The following ZNF565 variants were observed in gnomAD, a reference collection of about 807,000 sequenced individuals.
ZNF565 encodes zinc finger protein 565.
In ZNF565, 27 loss-of-function variants were observed where a neutral mutation model predicts 39.4. The observed-to-expected ratio is 0.69, with a 90% CI of 0.51 to 0.95. ZNF565 has a LOEUF of 0.95. ZNF565 is among the 40% of genes least tolerant of loss of function. The pLI is 0.00. For synonymous variants in ZNF565, 185 were observed against 216.6 expected, an observed-to-expected ratio of 0.85 and a Z score of 1.28; for missense variants, 524 against 621.1, an observed-to-expected ratio of 0.84 and a Z score of 1.66.
chr19:36,185,836 G>C (rs1403647802), intron 4 of ZNF565, among the ~76,000 whole-genome samples: 2 of 150,514 alleles, frequency 1.3e-5, no homozygotes, highest in African/African-American at 2.5e-5. Flanking sequence ...TGGGATTATA[G>C]GTGCCTGCCA....
At chr19:36,237,261 G>C in intron 1 of ZNF565, 1 of 1,613,942 alleles carries the variant, frequency 6.2e-7, no homozygotes, top group Non-Finnish European at 8.5e-7. Flanking sequence ...AGTGAATGTG[G>C]GAAAGCTTTC....
intron 1 of ZNF565, among the ~76,000 whole-genome samples, chr19:36,223,454 C>T (rs1014713914): frequency 1.3e-5 from 2 of 151,884 alleles, no homozygotes; most frequent in Non-Finnish European, 2.9e-5. Context: ...GCTCCGCCTC[C>T]CGGGTTCACG....
At chr19:36,183,809 A>C in intron 4 of ZNF565, 76 bp from the exon 5 acceptor site, 2 of 1,341,988 alleles carry the variant, frequency 1.5e-6, no homozygotes, top group Non-Finnish European at 2.0e-6. Context: ...AGTAGAGGCC[A>C]GGCACGGTGG....
At chr19:36,242,047 TA>T in intron 1 of ZNF565, among the ~76,000 whole-genome samples, 1 of 152,206 alleles carries the variant, frequency 6.6e-6, no homozygotes, top group South Asian at 2.1e-4. Flanking sequence ...TGTAAACATT[TA>T]AAACTTTGTG....
At chr19:36,224,045 C>G (rs996872642) in intron 1 of ZNF565, among the ~76,000 whole-genome samples, 4 of 152,118 alleles carry the variant, frequency 2.6e-5, no homozygotes, top group Non-Finnish European at 5.9e-5. Flanking sequence ...CCAGCTTTAC[C>G]TTTTTCCAAT....
chr19:36,219,329 T>A (rs1976743327), upstream of ZNF565, among the ~76,000 whole-genome samples: 2 of 152,064 alleles, frequency 1.3e-5, no homozygotes, highest in African/African-American at 4.8e-5. Context: ...GACCTGCTAA[T>A]TTTTAAACCT....
rs774573064 is a variant in ZNF565, at chr19:36,237,254, G to C, written c.55+8222C>G. 5.6e-6 allele frequency: 9 copies of C among 1,613,930 alleles called. No individual in the cohort carries two copies. In the Admixed American group the frequency reaches 1.3e-4, roughly 24 times the overall value. On this transcript the variant is annotated intron_variant, in intron 1 of 4. Coordinates refer to the ZNF565 transcript ENST00000355114. ...AGGTAAGAAGCCTTATCAGTGCAGTGAATGTGGGAAAGCTTTCAGCCAGAA... is the reference window on the plus strand; with the variant it reads ...AGGTAAGAAGCCTTATCAGTGCAGTCAATGTGGGAAAGCTTTCAGCCAGAA...
At chr19:36,195,464 A>C (rs2145326599) in intron 2 of ZNF565, among the ~76,000 whole-genome samples, 1 of 151,884 alleles carries the variant, frequency 6.6e-6, no homozygotes, top group East Asian at 1.9e-4. Flanking sequence ...GAATATCATT[A>C]TCATACTTAA....
chr19:36,196,593 A>C (rs1271595187), intron 2 of ZNF565, among the ~76,000 whole-genome samples: 2 of 152,210 alleles, frequency 1.3e-5, no homozygotes, highest in Non-Finnish European at 2.9e-5. Context: ...ATCAGGAAAG[A>C]GCTAAGTGGG....
At chr19:36,205,474 G>A (rs2145353272) in intron 1 of ZNF565, among the ~76,000 whole-genome samples, 1 of 152,210 alleles carries the variant, frequency 6.6e-6, no homozygotes, top group Middle Eastern at 3.4e-3. Flanking sequence ...GTTGCGGTGA[G>A]CCGAGATGGC....
At chr19:36,201,473 C>CATTT (rs148396637) in intron 2 of ZNF565, among the ~76,000 whole-genome samples, 16 of 151,510 alleles carry the variant, frequency 1.1e-4, no homozygotes, top group Non-Finnish European at 2.4e-4. Context: ...CTGCTAAGAG[C>CATTT]ATTTATTTAT....
chr19:36,207,604 AAAG>A (rs1430200434), intron 1 of ZNF565, among the ~76,000 whole-genome samples: 2 of 152,122 alleles, frequency 1.3e-5, no homozygotes, highest in Non-Finnish European at 2.9e-5. Flanking sequence ...AAAGAAAAGA[AAAG>A]AAAAGAAATG....
chr19:36,234,383 A>G (rs980288817), intron 1 of ZNF565, among the ~76,000 whole-genome samples: 1 of 152,150 alleles, frequency 6.6e-6, no homozygotes, highest in African/African-American at 2.4e-5. Context: ...GAGCTCTCCC[A>G]TATAACAAAA....
Position 36,183,642 on chromosome 19 carries a change from A to G in ZNF565, c.324T>C (p.Ser108=). 3 of 1,614,136 alleles carry G rather than the reference A, an allele frequency of 1.9e-6. No homozygotes were observed. The highest frequency in any genetic ancestry group is 2.5e-6 in the Non-Finnish European group (3 of 1,180,006). ...NWEIMESLKC[S]DLEGSDFRAD... Reference sequence around the variant, plus strand: ...CTCTAAAATCGGAGCCCTCCAGGTCACTGCATTTAAGGCTTTCCATTATCT... The same window carrying G: ...CTCTAAAATCGGAGCCCTCCAGGTCGCTGCATTTAAGGCTTTCCATTATCT... The change falls in exon 5 of 5, where the codon AGT becomes AGC. Residue 108 remains serine, a synonymous_variant. Transcript: ENST00000304116.
intron 1 of ZNF565, among the ~76,000 whole-genome samples, chr19:36,233,916 G>T (rs1038054222): frequency 2.0e-5 from 3 of 152,026 alleles, no homozygotes; most frequent in African/African-American, 7.3e-5. Context: ...ACCCTTTACG[G>T]GTGTCGGACT....
chr19:36,214,087 C>CACTCACACAAGCA (rs1466847023), intron 1 of ZNF565, among the ~76,000 whole-genome samples: 1 of 151,928 alleles, frequency 6.6e-6, no homozygotes, highest in Non-Finnish European at 1.5e-5. Context: ...CACACAGTCA[C>CACTCACACAAGCA]ACTCACACAA....
At chr19:36,203,100 C>A (rs1214236213) in intron 1 of ZNF565, among the ~76,000 whole-genome samples, 1 of 151,924 alleles carries the variant, frequency 6.6e-6, no homozygotes, top group East Asian at 1.9e-4. Context: ...TTTGGGAGGC[C>A]AAGGCAGGTG....
chr19:36,240,263 A>G (rs940701812), intron 1 of ZNF565, among the ~76,000 whole-genome samples: 2 of 152,212 alleles, frequency 1.3e-5, no homozygotes, highest in African/African-American at 2.4e-5. Flanking sequence ...TGACTAATCT[A>G]GAGATGATTC....
At chr19:36,202,444 C>T (rs1046902224) in intron 1 of ZNF565, among the ~76,000 whole-genome samples, 4 of 152,092 alleles carry the variant, frequency 2.6e-5, no homozygotes, top group African/African-American at 9.7e-5. Context: ...CCAGTCCCTT[C>T]CTAAAAAGTA....
Sources: gnomAD v4.1 joint callset for allele counts (sites outside exome capture counted in the v4.1 genomes callset) on GRCh38, gnomAD v4.1.1 for gene constraint, MANE v1.5 for transcripts, NCBI Gene and HGNC (gene_info 2026-07-23, HGNC 2026-07-21) for gene names.